Variants in PAPOLG observed in about 807,000 individuals in gnomAD.
PAPOLG encodes poly(A) polymerase gamma, also known as PAP-gamma.
A neutral mutation model predicts 99.0 loss-of-function variants in PAPOLG; 40 were observed. That is an observed-to-expected ratio of 0.40 (90% CI 0.31 to 0.53). PAPOLG has a LOEUF of 0.53. Among genes scored for constraint, PAPOLG ranks in the 20% least tolerant of loss-of-function variants. The pLI, the probability that PAPOLG is intolerant of heterozygous loss-of-function variation, is 0.41. For missense variants in PAPOLG, 675 were observed against 884.1 expected, an observed-to-expected ratio of 0.76 and a Z score of 3.00; for synonymous variants, 310 against 299.3, an observed-to-expected ratio of 1.04 and a Z score of -0.37.
In PAPOLG at chr2:60,756,288, A is replaced by T; in HGVS notation, c.-191A>T. 1.5e-6 allele frequency: 1 copy of T among 669,498 alleles called. No individual in the cohort carries two copies. The highest frequency in any genetic ancestry group is 2.6e-6 in the Non-Finnish European group (1 of 380,116). 41.5% of individuals were successfully genotyped at this position (669,498 alleles called of 1,614,324 possible). A position where few individuals can be genotyped will look rare whatever the true frequency, so the allele number is the denominator to read the frequency against. ...GCCATATTGGCGTCGGCCGCGCTGTATTGTCATAAATAGAGCCGGTTTTGT... is the reference window on the plus strand; with the variant it reads ...GCCATATTGGCGTCGGCCGCGCTGTTTTGTCATAAATAGAGCCGGTTTTGT... On this transcript the variant is annotated 5_prime_UTR_variant, in exon 1 of 22. Coordinates refer to ENST00000238714, the MANE Select transcript of PAPOLG (RefSeq NM_022894.4).
chr2:60,779,895 G>A (rs1006530222), intron 9 of PAPOLG, 120 bp downstream of exon 9: 15 of 907,094 alleles, frequency 1.7e-5, no homozygotes, highest in Non-Finnish European at 2.4e-5. Flanking sequence ...TTGTAAAGTT[G>A]AAAGTATAAA....
At chr2:60,792,891 C>G (rs1420431528) in intron 17 of PAPOLG, among the ~76,000 whole-genome samples, 2 of 152,100 alleles carry the variant, frequency 1.3e-5, no homozygotes, top group Admixed American at 1.3e-4. Context: ...CAAAAATTAA[C>G]AGGGTGTGGT....
intron 7 of PAPOLG, 115 bp downstream of exon 7, chr2:60,771,745 T>G (rs1048961943): frequency 8.6e-7 from 1 of 1,163,296 alleles, no homozygotes; most frequent in Non-Finnish European, 1.2e-6. Context: ...TAAAATGTAA[T>G]TTTCCTTATA....
intron 13 of PAPOLG, among the ~76,000 whole-genome samples, chr2:60,783,499 C>CTTT (rs1344359590): frequency 3.5e-5 from 3 of 84,798 alleles, no homozygotes; most frequent in Non-Finnish European, 7.8e-5. Context: ...CTTTACCCGG[C>CTTT]CTTTTTTTTT....
Position 60,772,137 on chromosome 2 carries a change from TG to T in PAPOLG, c.604+509del, listed in dbSNP as rs371052437. Among the ~76,000 whole-genome samples, 17 of 152,216 alleles carry T rather than the reference TG, an allele frequency of 1.1e-4. 1 individual carries two copies. In the East Asian group the frequency reaches 2.5e-3, roughly 22 times the overall value. Reference sequence around the variant, plus strand: ...TACAATTGATTGTAATATTTTGTTTTGGTTAACATATAAGAATAAAATCTGG... The same window carrying T: ...TACAATTGATTGTAATATTTTGTTTTGTTAACATATAAGAATAAAATCTGG... On this transcript the variant is annotated intron_variant, in intron 7 of 21. Coordinates refer to ENST00000238714, the MANE Select transcript of PAPOLG (RefSeq NM_022894.4).
chr2:60,792,441 T>G, intron 17 of PAPOLG, 152 bp downstream of exon 17: 1 of 763,114 alleles, frequency 1.3e-6, no homozygotes, highest in Non-Finnish European at 2.1e-6. Flanking sequence ...TAGAAATAAC[T>G]CGTGGTAATC....
intron 10 of PAPOLG, 103 bp from the exon 11 acceptor site, chr2:60,781,782 T>C: frequency 6.9e-7 from 1 of 1,449,856 alleles, no homozygotes; most frequent in Non-Finnish European, 9.4e-7. Flanking sequence ...TGAGGAAATG[T>C]AGTATTAAAT....
chr2:60,786,265 C>G (rs1443320476), intron 13 of PAPOLG, among the ~76,000 whole-genome samples: 1 of 152,146 alleles, frequency 6.6e-6, no homozygotes, highest in Non-Finnish European at 1.5e-5. Flanking sequence ...GAACCTCACT[C>G]TGTCACCCAG....
chr2:60,785,311 G>A (rs13428339), intron 13 of PAPOLG, among the ~76,000 whole-genome samples: 1 of 151,888 alleles, frequency 6.6e-6, no homozygotes, highest in Non-Finnish European at 1.5e-5. Flanking sequence ...CTAATTTTTT[G>A]TATTTTTAGT....
chr2:60,771,647 A>C lies in PAPOLG; in HGVS notation c.604+17A>C, dbSNP rs1218078290. On this transcript the variant is annotated intron_variant, in intron 7 of 21. Coordinates refer to ENST00000238714, the MANE Select transcript of PAPOLG (RefSeq NM_022894.4). ...GCTTAAATGGTAAGCTTCTAAAAAG[A>C]AATCTCAGATACCTGCTTCAGAACA... 1.9e-6 allele frequency: 3 copies of C among 1,589,792 alleles called. No individual in the cohort carries two copies. The highest frequency in any genetic ancestry group is 2.6e-6 in the Non-Finnish European group (3 of 1,174,368).
At chr2:60,762,215 C>T (rs961585705) in intron 3 of PAPOLG, among the ~76,000 whole-genome samples, 22 of 152,240 alleles carry the variant, frequency 1.4e-4, no homozygotes, top group African/African-American at 5.3e-4. Flanking sequence ...GTTTTCTTTG[C>T]AAGGTGATTA....
At chr2:60,783,374 G>A (rs1368195634) in intron 13 of PAPOLG, among the ~76,000 whole-genome samples, 165 bp downstream of exon 13, 1 of 137,990 alleles carries the variant, frequency 7.2e-6, no homozygotes, top group East Asian at 2.1e-4. Flanking sequence ...CTAGGCTGGA[G>A]TGCAGTGTCG....
intron 7 of PAPOLG, among the ~76,000 whole-genome samples, chr2:60,773,863 C>G (rs1169923115): frequency 6.6e-6 from 1 of 152,130 alleles, no homozygotes; most frequent in African/African-American, 2.4e-5. Context: ...TTTAGTTGAA[C>G]TGAGAGGTTC....
chr2:60,771,476 G>C (rs1466318993), intron 6 of PAPOLG, 43 bp from the exon 7 acceptor site: 2 of 1,562,966 alleles, frequency 1.3e-6, no homozygotes, highest in East Asian at 2.3e-5. Context: ...GGATTAAAAG[G>C]AGAAAATGTA....
At position 60,799,319 on chromosome 2, in the gene PAPOLG, G is replaced by C. The variant is rs1671797480; in HGVS notation, c.*2159G>C. The C allele has an allele frequency of 6.6e-6, 1 of 152,276 alleles. No individual in the cohort carries two copies. The highest frequency in any genetic ancestry group is 2.4e-5 in the African/African-American group (1 of 41,416). The allele number at this position is 152,276 out of a possible 1,614,324, so 9.4% of individuals were successfully genotyped here. ...AGTCTAACCTTGTACTATAGGATAG[G>C]CATTTATTTTAGATTAAGGAGCCCA... On this transcript the variant is annotated 3_prime_UTR_variant, in exon 22 of 22. Coordinates refer to ENST00000238714, the MANE Select transcript of PAPOLG (RefSeq NM_022894.4).
chr2:60,779,146 G>A (rs1671118399), intron 8 of PAPOLG, among the ~76,000 whole-genome samples: 1 of 151,986 alleles, frequency 6.6e-6, no homozygotes, highest in South Asian at 2.1e-4. Flanking sequence ...CTACTTTATG[G>A]AGAGGTATCC....
chr2:60,793,422 G>A (rs1487141375), intron 17 of PAPOLG, among the ~76,000 whole-genome samples: 1 of 151,542 alleles, frequency 6.6e-6, no homozygotes, highest in East Asian at 1.9e-4. Flanking sequence ...AAATTAACCC[G>A]ATATGATGGC....
chr2:60,756,318 T>G lies in PAPOLG; in HGVS notation c.-161T>G. 9.5e-6 allele frequency: 8 copies of G among 842,666 alleles called. No individual in the cohort carries two copies. 52.2% of individuals were successfully genotyped at this position (842,666 alleles called of 1,614,324 possible). On this transcript the variant is annotated 5_prime_UTR_variant, in exon 1 of 22. Transcript: ENST00000238714. Reference sequence around the variant, plus strand: ...CATAAATAGAGCCGGTTTTGTGGTGTTTTCACTACTCGGTTGGATGCCTCA... The same window carrying G: ...CATAAATAGAGCCGGTTTTGTGGTGGTTTCACTACTCGGTTGGATGCCTCA...
Position 60,794,023 on chromosome 2 carries a change from T to G in PAPOLG, c.1821T>G (p.Pro607=). The change falls in exon 19 of 22, where the codon CCT becomes CCG. Residue 607 remains proline, a synonymous_variant. Coordinates refer to ENST00000238714, the MANE Select transcript of PAPOLG (RefSeq NM_022894.4). The part of the protein sequence containing the change: ...TVSPPTVCTI[P]TVVGRNVIPR... ...CACCCCCCACTGTGTGTACCATTCC[T>G]ACCGTAGTAGGACGAAATGTCATTC... is the stretch of plus-strand genomic sequence containing the variant. 1.2e-6 allele frequency: 2 copies of G among 1,613,834 alleles called. No individual in the cohort carries two copies. The highest frequency in any genetic ancestry group is 2.2e-5 in the South Asian group (2 of 91,084).
Sources: gnomAD v4.1 joint callset for allele counts (sites outside exome capture counted in the v4.1 genomes callset) on GRCh38, gnomAD v4.1.1 for gene constraint, MANE v1.5 for transcripts, NCBI Gene and HGNC (gene_info 2026-07-23, HGNC 2026-07-21) for gene names.